The following MEGF9 variants were observed in gnomAD, a reference collection of about 807,000 sequenced individuals.
MEGF9 encodes multiple EGF like domains 9, also known as multiple epidermal growth factor-like domains protein 9.
In MEGF9, 6 loss-of-function variants were observed where a neutral mutation model predicts 46.8. That is an observed-to-expected ratio of 0.13 (90% CI 0.07 to 0.25). The LOEUF (loss-of-function observed/expected upper bound fraction) is 0.25. MEGF9 is among the 10% of genes least tolerant of loss of function. MEGF9 has a pLI of 1.00. For synonymous variants in MEGF9, 302 were observed against 330.7 expected (o/e 0.91, Z 0.94); for missense variants, 683 against 792.4 (o/e 0.86, Z 1.66).
At chr9:120,633,220 G>A (rs1331276897) in intron 2 of MEGF9, among the ~76,000 whole-genome samples, 1 of 152,054 alleles carries the variant, frequency 6.6e-6, no homozygotes, top group Non-Finnish European at 1.5e-5. Flanking sequence ...GCAACCAGTG[G>A]GCTTTTCTTT....
intron 3 of MEGF9, among the ~76,000 whole-genome samples, chr9:120,616,766 C>T (rs1486155279): frequency 6.6e-6 from 1 of 151,524 alleles, no homozygotes; most frequent in East Asian, 1.9e-4. Context: ...AACTAAGTTA[C>T]CTTAAGCAAA....
intron 1 of MEGF9, among the ~76,000 whole-genome samples, chr9:120,703,059 A>G (rs1168576270): frequency 6.6e-6 from 1 of 152,238 alleles, no homozygotes; most frequent in Non-Finnish European, 1.5e-5. Context: ...TTTAAGAAAA[A>G]TACAAGGGAA....
intron 1 of MEGF9, among the ~76,000 whole-genome samples, chr9:120,672,331 G>A (rs1408243113): frequency 3.3e-5 from 5 of 152,010 alleles, no homozygotes; most frequent in East Asian, 1.9e-4. Context: ...AGCTCGACAC[G>A]TATAAAATCC....
At chr9:120,698,481 A>G (rs2043888772) in intron 1 of MEGF9, among the ~76,000 whole-genome samples, 1 of 152,214 alleles carries the variant, frequency 6.6e-6, no homozygotes, top group African/African-American at 2.4e-5. Context: ...CCTCAAGCAT[A>G]TTGTTACTAA....
At position 120,638,515 on chromosome 9, in the gene MEGF9, A is replaced by G. The variant is rs572802320; in HGVS notation, c.804-15760T>C. On this transcript the variant is annotated intron_variant, in intron 2 of 5. Transcript: ENST00000373930. Reference sequence around the variant, plus strand: ...TCTAAGTCTTTGAGGTTTGAACCCTATAGGGGGTAGAGTAGTCAGTAGGCA... The same window carrying G: ...TCTAAGTCTTTGAGGTTTGAACCCTGTAGGGGGTAGAGTAGTCAGTAGGCA... 3.3e-5 allele frequency among the ~76,000 whole-genome samples: 5 copies of G among 152,142 alleles called. No individual in the cohort carries two copies. In the East Asian group the frequency reaches 9.6e-4, roughly 29 times the overall value.
rs368383112 is a variant in MEGF9, at chr9:120,622,744, C to T, written c.815G>A (p.Cys272Tyr). ...GCCAATGACACCCACTTTGCACTGG[C>T]ATTTCCCAGAACTGCAAATAAAAGC... ...LSIPCNSSGK[C>Y]QCKVGVIGSI... The change falls in exon 3 of 6, where the codon TGC becomes TAC. Residue 272 changes from cysteine to tyrosine, a missense_variant. Physicochemically the swap from Cys to Tyr is radical, Grantham distance 194 (BLOSUM62 -2). This residue lies in a region of MEGF9 where 313 missense variants were observed against 421.1 expected (regional missense o/e 0.74). Coordinates refer to ENST00000373930, the MANE Select transcript of MEGF9 (RefSeq NM_001080497.3). The T allele has an allele frequency of 1.2e-6, 2 of 1,613,388 alleles. No individual in the cohort carries two copies. The highest frequency in any genetic ancestry group is 1.7e-6 in the Non-Finnish European group (2 of 1,179,664).
In MEGF9 at chr9:120,625,519, G is replaced by A. The variant is rs201847609; in HGVS notation, c.804-2764C>T. Among the ~76,000 whole-genome samples the A allele has an allele frequency of 3.4e-5, 5 of 147,976 alleles. No homozygotes were observed. In the East Asian group the frequency reaches 1.0e-3, roughly 30 times the overall value. ...ACTGTACTCCAGCCTGGGCGACACA[G>A]GGAGACTCTGTCTCTTAAAAAAAAG... On this transcript the variant is annotated intron_variant, in intron 2 of 5. Coordinates refer to ENST00000373930, the MANE Select transcript of MEGF9 (RefSeq NM_001080497.3).
chr9:120,627,202 C>T (rs766735289), intron 2 of MEGF9, among the ~76,000 whole-genome samples: 1 of 152,006 alleles, frequency 6.6e-6, no homozygotes, highest in Non-Finnish European at 1.5e-5. Context: ...AAATTTTAAT[C>T]GAGAAGAGAA....
At chr9:120,673,933 G>A (rs367619275) in intron 1 of MEGF9, among the ~76,000 whole-genome samples, 2 of 140,550 alleles carry the variant, frequency 1.4e-5, no homozygotes, top group East Asian at 4.2e-4. Flanking sequence ...TCGTGCCACT[G>A]CACTCCAGCC....
At chr9:120,615,475 CAGA>C (rs2043468260) in intron 3 of MEGF9, among the ~76,000 whole-genome samples, 2 of 151,540 alleles carry the variant, frequency 1.3e-5, no homozygotes, top group South Asian at 4.2e-4. Context: ...ATATTTTTTC[CAGA>C]AGAATTTTTT....
chr9:120,665,976 C>T (rs1307754733), intron 1 of MEGF9, among the ~76,000 whole-genome samples: 1 of 152,034 alleles, frequency 6.6e-6, no homozygotes, highest in East Asian at 1.9e-4. Context: ...TATACCTATG[C>T]CATGTTGTTT....
At chr9:120,681,820 GA>G (rs781100029) in intron 1 of MEGF9, among the ~76,000 whole-genome samples, 14 of 152,148 alleles carry the variant, frequency 9.2e-5, no homozygotes, top group Non-Finnish European at 1.8e-4. Flanking sequence ...AGCAAACACG[GA>G]AACTGAATTT....
intron 1 of MEGF9, among the ~76,000 whole-genome samples, chr9:120,678,257 G>A (rs554225580): frequency 6.6e-6 from 1 of 152,284 alleles, no homozygotes; most frequent in South Asian, 2.1e-4. Flanking sequence ...ACAAACATGG[G>A]AATGCAAATA....
chr9:120,690,652 A>C (rs957531353), intron 1 of MEGF9, among the ~76,000 whole-genome samples: 5 of 152,148 alleles, frequency 3.3e-5, no homozygotes, highest in African/African-American at 1.2e-4. Flanking sequence ...AATATCCTGG[A>C]ATTTGAAAAG....
intron 2 of MEGF9, among the ~76,000 whole-genome samples, chr9:120,623,475 A>G (rs1460607716): frequency 6.6e-6 from 1 of 152,256 alleles, no homozygotes; most frequent in Non-Finnish European, 1.5e-5. Flanking sequence ...ACAAAGTCAA[A>G]GGTTCTCAGA....
chr9:120,633,597 T>G (rs1036182224), intron 2 of MEGF9, among the ~76,000 whole-genome samples: 15 of 152,114 alleles, frequency 9.9e-5, no homozygotes, highest in South Asian at 4.1e-4. Flanking sequence ...TTTTAAAATT[T>G]TTGCCCTAAT....
intron 1 of MEGF9, among the ~76,000 whole-genome samples, chr9:120,664,536 A>C (rs2043716482): frequency 6.6e-6 from 1 of 152,236 alleles, no homozygotes; most frequent in African/African-American, 2.4e-5. Context: ...GAACAAAGAA[A>C]TGTTACCCTG....
At chr9:120,702,723 G>T (rs775883577) in intron 1 of MEGF9, among the ~76,000 whole-genome samples, 2 of 152,172 alleles carry the variant, frequency 1.3e-5, no homozygotes, top group African/African-American at 2.4e-5. Context: ...GCTGATGTAA[G>T]TGGGGGTGGT....
At chr9:120,707,294 G>T (rs2043933262) in intron 1 of MEGF9, among the ~76,000 whole-genome samples, 1 of 152,150 alleles carries the variant, frequency 6.6e-6, no homozygotes, top group African/African-American at 2.4e-5. Context: ...AAATTTTCCT[G>T]TAACTCACTT....
Sources: allele counts gnomAD v4.1 joint callset (sites outside exome capture counted in the v4.1 genomes callset), GRCh38; gene constraint gnomAD v4.1.1; regional missense constraint gnomAD v4.1.1; transcripts MANE v1.5; gene names NCBI Gene and HGNC (gene_info 2026-07-23, HGNC 2026-07-21).